Variants in SULT1A1 observed in about 807,000 individuals in gnomAD.
SULT1A1 encodes sulfotransferase 1A1.
Under a neutral mutation model 36.8 loss-of-function variants are expected in SULT1A1, and 35 were observed. The ratio of observed to expected loss-of-function variants is 0.95; its 90% CI spans 0.73 to 1.26. The LOEUF is 1.26. Among genes scored for constraint, SULT1A1 ranks in the 50% most tolerant of loss-of-function variants. The pLI is 0.00. For missense variants in SULT1A1, 309 were observed against 383.0 expected, an observed-to-expected ratio of 0.81 and a Z score of 1.61; for synonymous variants, 119 against 146.0, an observed-to-expected ratio of 0.82 and a Z score of 1.33.
In SULT1A1 at chr16:28,605,610, A is replaced by C; in HGVS notation, c.*211T>G. ...TATTCTCTTTTTAAAAATTGGTTTT[A>C]TTTTATTTTATTTTTTTAACAGAAT... On this transcript the variant is annotated 3_prime_UTR_variant, in exon 8 of 8. Coordinates refer to ENST00000314752, the MANE Select transcript of SULT1A1 (RefSeq NM_001055.4). The C allele has an allele frequency of 1.2e-6, 1 of 839,670 alleles. No homozygotes were observed. The highest frequency in any genetic ancestry group is 1.8e-6 in the Non-Finnish European group (1 of 546,340). 52.0% of individuals were successfully genotyped at this position (839,670 alleles called of 1,614,324 possible). A position where few individuals can be genotyped will look rare whatever the true frequency, so the allele number is the denominator to read the frequency against.
Position 28,609,264 on chromosome 16 carries a change from C to T in SULT1A1, c.-4-405G>A, listed in dbSNP as rs2047354160. 8.0e-6 allele frequency: 10 copies of T among 1,245,134 alleles called. 1 individual carries two copies. Among genetic ancestry groups the T allele is most frequent in the African/African-American group, 4.6e-5 (3 of 65,674 alleles). 77.1% of individuals were successfully genotyped at this position (1,245,134 alleles called of 1,614,324 possible). ...TTTGTCTCACCACTTCCTGCTGGGACCCCCAGCCTCCACCCAGTGGAGATG... is the reference window on the plus strand; with the variant it reads ...TTTGTCTCACCACTTCCTGCTGGGATCCCCAGCCTCCACCCAGTGGAGATG... On this transcript the variant is annotated intron_variant, in intron 1 of 7. Transcript: ENST00000314752.
chr16:28,620,072 G>C, exon 2 of SULT1A1: 1 of 1,612,792 alleles, frequency 6.2e-7, no homozygotes. Context: ...CCATATAGGT[G>C]TTCCAGAATT....
intron 1 of SULT1A1, among the ~76,000 whole-genome samples, chr16:28,621,458 G>A (rs144957588): frequency 0.015 from 1,568 of 106,134 alleles, 41 homozygotes; most frequent in African/African-American, 0.053. Context: ...ACTCCAGGCT[G>A]GGCAATAAAA....
chr16:28,621,845 G>A (rs1407259174), intron 1 of SULT1A1, among the ~76,000 whole-genome samples: 1 of 152,122 alleles, frequency 6.6e-6, no homozygotes, highest in African/African-American at 2.4e-5. Flanking sequence ...GGACCCTCCT[G>A]TGAGCAGATG....
At chr16:28,619,038 T>C (rs1407482114) in intron 2 of SULT1A1, among the ~76,000 whole-genome samples, 1 of 152,176 alleles carries the variant, frequency 6.6e-6, no homozygotes, top group Admixed American at 6.5e-5. Context: ...CTTTTTGAGA[T>C]GGAGTCTTGC....
At chr16:28,621,482 C>CA (rs59910514) in intron 1 of SULT1A1, among the ~76,000 whole-genome samples, 64 of 59,528 alleles carry the variant, frequency 1.1e-3, no homozygotes, top group African/African-American at 5.2e-3. Context: ...GACTCTGTCT[C>CA]AAAAAAAAAA....
At chr16:28,623,211 CG>C (rs1567321162) in exon 1 of SULT1A1, 1 of 1,546,338 alleles carries the variant, frequency 6.5e-7, no homozygotes, top group Non-Finnish European at 8.7e-7. Context: ...GCGCGGCGCT[CG>C]GCCCGGGAGC....
upstream of SULT1A1, chr16:28,610,252 T>C: frequency 1.7e-6 from 1 of 599,010 alleles, no homozygotes. Context: ...TTTTTGTAGG[T>C]TTTTTTTTTC....
chr16:28,620,459 G>A (rs1342925523), intron 1 of SULT1A1, among the ~76,000 whole-genome samples: 1 of 151,482 alleles, frequency 6.6e-6, no homozygotes, highest in Admixed American at 6.6e-5. Flanking sequence ...AGTTACTCAG[G>A]AGGCTGAGGT....
chr16:28,617,987 T>C lies in SULT1A1; in HGVS notation c.138+2076A>G, dbSNP rs143519242. Among the ~76,000 whole-genome samples the C allele has an allele frequency of 1.3e-3, 194 of 152,226 alleles. 4 individuals carry two copies. The East Asian group carries it at 0.034, about 27-fold the overall frequency. ...GTATGCAAATATTCCTGCGGTTTTG[T>C]TCATTTACAAATCCCTGCCTGAAGC... On this transcript the variant is annotated intron_variant, in intron 2 of 5. Coordinates refer to the SULT1A1 transcript ENST00000350842.
chr16:28,610,251 GT>G (rs375498320), upstream of SULT1A1: 185,234 of 575,866 alleles, frequency 0.32, 25,226 homozygotes, highest in Non-Finnish European at 0.36. Flanking sequence ...GTTTTTGTAG[GT>G]TTTTTTTTTC....
At chr16:28,618,407 G>C (rs1419545785) in intron 2 of SULT1A1, among the ~76,000 whole-genome samples, 1 of 140,754 alleles carries the variant, frequency 7.1e-6, no homozygotes, top group Non-Finnish European at 1.5e-5. Context: ...GTGCAGTGGC[G>C]TGATATCGGC....
chr16:28,610,278 T>TTTTTTTTTA, upstream of SULT1A1: 1 of 1,131,242 alleles, frequency 8.8e-7, no homozygotes, highest in Non-Finnish European at 1.1e-6. Flanking sequence ...TTTTTTTTTT[T>TTTTTTTTTA]TTTTTTTTTT....
intron 1 of SULT1A1, among the ~76,000 whole-genome samples, chr16:28,620,636 A>G (rs1596655629): frequency 6.6e-6 from 1 of 151,864 alleles, no homozygotes; most frequent in Non-Finnish European, 1.5e-5. Flanking sequence ...GATAAATATG[A>G]TGTGAGAATA....
chr16:28,608,001 T>A (rs2151689823), intron 4 of SULT1A1: 2 of 227,072 alleles, frequency 8.8e-6, no homozygotes, highest in South Asian at 1.5e-4. Context: ...TTTATTTATT[T>A]ATTTTTGTGA....
At chr16:28,615,783 C>G (rs1027636412) in intron 2 of SULT1A1, among the ~76,000 whole-genome samples, 2 of 152,232 alleles carry the variant, frequency 1.3e-5, no homozygotes, top group African/African-American at 4.8e-5. Flanking sequence ...TAGGTAAGGT[C>G]ACGTGGGTCA....
chr16:28,618,880 A>G (rs545432826), intron 2 of SULT1A1, among the ~76,000 whole-genome samples: 389 of 152,382 alleles, frequency 2.6e-3, no homozygotes, highest in Middle Eastern at 6.8e-3. Flanking sequence ...TTTTGCAAAT[A>G]GAATCCCAAA....
chr16:28,623,047 C>T (rs2047686843), intron 1 of SULT1A1: 4 of 1,504,504 alleles, frequency 2.7e-6, no homozygotes, highest in Admixed American at 2.1e-5. Flanking sequence ...CAGCGCCCTC[C>T]CTCCAGCCGC....
At chr16:28,620,255 C>G in intron 1 of SULT1A1, 4 of 926,746 alleles carry the variant, frequency 4.3e-6, no homozygotes, top group Non-Finnish European at 6.6e-6. Flanking sequence ...CAATATGACC[C>G]TCTGATCCTA....
Sources: gnomAD v4.1 joint callset for allele counts (sites outside exome capture counted in the v4.1 genomes callset) on GRCh38, gnomAD v4.1.1 for gene constraint, MANE v1.5 for transcripts, NCBI Gene and HGNC (gene_info 2026-07-23, HGNC 2026-07-21) for gene names.